The following NKAIN2 variants were observed in gnomAD, a reference collection of about 807,000 sequenced individuals.
NKAIN2 encodes sodium/potassium transporting ATPase interacting 2.
In NKAIN2, 14 loss-of-function variants were observed where a neutral mutation model predicts 32.6. That is an observed-to-expected ratio of 0.43 (90% CI 0.28 to 0.67). The LOEUF is 0.67. Ranked by LOEUF, NKAIN2 falls within the 30% of genes least tolerant of loss-of-function variation. The probability of loss-of-function intolerance (pLI) is 0.17; values close to 1 mark genes in which losing one functional copy is unlikely to be tolerated. For missense variants in NKAIN2, 198 were observed against 258.3 expected (o/e 0.77, Z 1.60); for synonymous variants, 80 against 87.2 (o/e 0.92, Z 0.46).
At chr6:124,467,513 C>T (rs1226236197) in intron 3 of NKAIN2, among the ~76,000 whole-genome samples, 7 of 152,024 alleles carry the variant, frequency 4.6e-5, no homozygotes, top group Non-Finnish European at 7.4e-5. Context: ...AGAAGGATCC[C>T]TACATCTCCA....
intron 1 of NKAIN2, among the ~76,000 whole-genome samples, chr6:124,130,945 C>G (rs1286363200): frequency 1.3e-5 from 2 of 152,140 alleles, no homozygotes; most frequent in Non-Finnish European, 2.9e-5. Context: ...GGGACGTGTG[C>G]ACTCCAACAC....
intron 2 of NKAIN2, among the ~76,000 whole-genome samples, chr6:124,329,988 G>A (rs1384274210): frequency 6.6e-6 from 1 of 152,192 alleles, no homozygotes; most frequent in East Asian, 1.9e-4. Flanking sequence ...CTTCAAGGAT[G>A]CAAGGGATCC....
chr6:123,952,464 A>G (rs1184152294), intron 1 of NKAIN2, among the ~76,000 whole-genome samples: 1 of 152,092 alleles, frequency 6.6e-6, no homozygotes, highest in Non-Finnish European at 1.5e-5. Flanking sequence ...CGATTTTATT[A>G]AATAGGTTTT....
At chr6:124,366,302 G>A (rs1047498718) in intron 3 of NKAIN2, among the ~76,000 whole-genome samples, 1 of 152,090 alleles carries the variant, frequency 6.6e-6, no homozygotes, top group Non-Finnish European at 1.5e-5. Context: ...ATTGGAGAGA[G>A]TACATTATGA....
rs117504900 is a variant in NKAIN2 at position 124,003,832 on chromosome 6, A to G, written c.54+199578A>G. Among the ~76,000 whole-genome samples, 1,499 of 152,218 alleles carry G rather than the reference A, an allele frequency of 9.8e-3. 9 individuals are homozygous for G. Among genetic ancestry groups the G allele is most frequent in the Middle Eastern group, 0.061 (18 of 294 alleles). On this transcript the variant is annotated intron_variant, in intron 1 of 6. Transcript: ENST00000368417. The stretch of plus-strand genomic sequence containing the variant: ...GGGCAGCAGGGATCTCAACAGGTGA[A>G]TGGAGGTCTGCAATGGGAAATACAG...
Position 123,964,013 on chromosome 6 carries a change from T to A in NKAIN2, c.54+159759T>A, listed in dbSNP as rs1239916943. ...GGCCAAACATTGTTCTATCTTTGCC[T>A]TTATAGCATATTGTTGATCATATCT... On this transcript the variant is annotated intron_variant, in intron 1 of 6. Transcript: ENST00000368417. The surrounding 1 kb of genome is among the most constrained non-coding windows in gnomAD (Gnocchi z 4.0). Among the ~76,000 whole-genome samples, 1 of 152,180 alleles carries A rather than the reference T, an allele frequency of 6.6e-6. No individual in the cohort carries two copies. The highest frequency in any genetic ancestry group is 2.4e-5 in the African/African-American group (1 of 41,434).
intron 1 of NKAIN2, among the ~76,000 whole-genome samples, chr6:124,217,808 C>G (rs773275232): frequency 2.0e-5 from 3 of 152,014 alleles, no homozygotes; most frequent in Non-Finnish European, 4.4e-5. Context: ...CATATACACA[C>G]ACACACATAT....
intron 4 of NKAIN2, among the ~76,000 whole-genome samples, chr6:124,756,905 TTTTA>T (rs1344646825): frequency 6.6e-6 from 1 of 152,178 alleles, no homozygotes; most frequent in African/African-American, 2.4e-5. Context: ...AGACATTTGC[TTTTA>T]TTTTAGTATT....
intron 3 of NKAIN2, among the ~76,000 whole-genome samples, chr6:124,526,415 A>G (rs1215520642): frequency 6.6e-6 from 1 of 152,166 alleles, no homozygotes; most frequent in African/African-American, 2.4e-5. Flanking sequence ...TGAAGCCCAC[A>G]TGAGGTTATT....
chr6:124,709,922 T>G (rs1035238335), intron 4 of NKAIN2, among the ~76,000 whole-genome samples: 1 of 152,286 alleles, frequency 6.6e-6, no homozygotes, highest in South Asian at 2.1e-4. Flanking sequence ...ATTGTAATGT[T>G]AGGGTGTCAA....
At chr6:124,527,924 T>G (rs1380989382) in intron 3 of NKAIN2, among the ~76,000 whole-genome samples, 1 of 152,146 alleles carries the variant, frequency 6.6e-6, no homozygotes, top group African/African-American at 2.4e-5. Context: ...CACAATTACT[T>G]TGGTATACTT....
Position 124,506,273 on chromosome 6 carries a change from A to C in NKAIN2, c.273+150926A>C, listed in dbSNP as rs1778478111. Among the ~76,000 whole-genome samples, 2 of 152,242 alleles carry C rather than the reference A, an allele frequency of 1.3e-5. 1 individual carries two copies. The highest frequency in any genetic ancestry group is 1.3e-4 in the Admixed American group (2 of 15,284). On this transcript the variant is annotated intron_variant, in intron 3 of 6. Transcript: ENST00000368417. ...CTCTGATATGGAAGGTGTTGAATTCAAAAGTTATTCTGGCCTTTTTATATT... is the reference window on the plus strand; with the variant it reads ...CTCTGATATGGAAGGTGTTGAATTCCAAAGTTATTCTGGCCTTTTTATATT...
chr6:124,366,116 A>G (rs1032367483), intron 3 of NKAIN2, among the ~76,000 whole-genome samples: 2 of 152,146 alleles, frequency 1.3e-5, no homozygotes, highest in African/African-American at 4.8e-5. Flanking sequence ...AAGTGAAAAC[A>G]TTCTAATAAC....
chr6:124,479,224 GT>G (rs1248290785), intron 3 of NKAIN2, among the ~76,000 whole-genome samples: 1 of 152,012 alleles, frequency 6.6e-6, no homozygotes, highest in Non-Finnish European at 1.5e-5. Context: ...AGAATAGTAG[GT>G]AAAAACTAAG....
intron 3 of NKAIN2, among the ~76,000 whole-genome samples, chr6:124,605,633 C>T (rs1434644405): frequency 2.6e-5 from 4 of 151,836 alleles, no homozygotes; most frequent in African/African-American, 9.7e-5. Context: ...GGGGTATCTC[C>T]GCAGTATATG....
At chr6:123,804,294 T>G (rs763329029) in intron 1 of NKAIN2, 40 bp downstream of exon 1, 1 of 1,540,546 alleles carries the variant, frequency 6.5e-7, no homozygotes, top group Non-Finnish European at 9.0e-7. Flanking sequence ...TAATGTGTCT[T>G]TGAGATAGTG....
intron 4 of NKAIN2, among the ~76,000 whole-genome samples, chr6:124,685,742 A>C (rs1773840569): frequency 6.6e-6 from 1 of 152,188 alleles, no homozygotes; most frequent in Non-Finnish European, 1.5e-5. Flanking sequence ...CAGAATGATA[A>C]AAATATCTTG....
chr6:124,410,659 G>C (rs1237647503), intron 3 of NKAIN2, among the ~76,000 whole-genome samples: 1 of 152,162 alleles, frequency 6.6e-6, no homozygotes, highest in African/African-American at 2.4e-5. Context: ...GTGCTGAAAA[G>C]AATGTATATT....
chr6:124,597,824 C>A (rs985476896), intron 3 of NKAIN2, among the ~76,000 whole-genome samples: 17 of 152,128 alleles, frequency 1.1e-4, no homozygotes, highest in Non-Finnish European at 2.2e-4. Context: ...TATTAGAGAT[C>A]TTCATTTGAT....
Sources: gnomAD v4.1 joint callset for allele counts (sites outside exome capture counted in the v4.1 genomes callset) on GRCh38, gnomAD v4.1.1 for gene constraint, Gnocchi (gnomAD v3.1) non-coding constraint, MANE v1.5 for transcripts, NCBI Gene and HGNC (gene_info 2026-07-23, HGNC 2026-07-21) for gene names.